HADH: variants seen among roughly 807,000 people sequenced by gnomAD.
HADH encodes the protein hydroxyacyl-CoA dehydrogenase, also known as hydroxyacyl-coenzyme A dehydrogenase, mitochondrial.
HADH carries 24 observed loss-of-function variants against 32.2 expected under a neutral mutation model. That is an observed-to-expected ratio of 0.75 (90% CI 0.54 to 1.05). The LOEUF is 1.05. HADH is among the 50% of genes least tolerant of loss of function. The probability of loss-of-function intolerance (pLI) is 0.00; values close to 1 mark genes in which losing one functional copy is unlikely to be tolerated. For missense variants in HADH, 350 were observed against 397.1 expected, an observed-to-expected ratio of 0.88 and a Z score of 1.01; for synonymous variants, 139 against 152.5, an observed-to-expected ratio of 0.91 and a Z score of 0.65.
At chr4:108,027,505 T>G in intron 5 of HADH, 183 bp from the exon 6 acceptor site, 1 of 665,402 alleles carries the variant, frequency 1.5e-6, no homozygotes, top group African/African-American at 1.8e-5. Flanking sequence ...TTAAGTACTA[T>G]GATTGTTGGA....
chr4:107,991,876 A>G (rs1302466565), intron 1 of HADH, among the ~76,000 whole-genome samples: 1 of 152,200 alleles, frequency 6.6e-6, no homozygotes, highest in Non-Finnish European at 1.5e-5. Flanking sequence ...ATTATGGGAA[A>G]TGGATCCAGA....
intron 6 of HADH, chr4:108,032,436 A>G (rs1176925799): frequency 1.3e-5 from 12 of 946,756 alleles, no homozygotes; most frequent in Non-Finnish European, 1.9e-5. Context: ...CCTTACTTGT[A>G]AAACCCAAAA....
At chr4:108,017,764 G>A (rs1381205669) in intron 3 of HADH, among the ~76,000 whole-genome samples, 3 of 152,048 alleles carry the variant, frequency 2.0e-5, no homozygotes, top group African/African-American at 4.8e-5. Context: ...GGCCAGGCTC[G>A]TCTCGAACTC....
In HADH at chr4:107,989,895, TG is replaced by T; in HGVS notation, c.-37del. 1 of 1,605,586 alleles carries T rather than the reference TG, an allele frequency of 6.2e-7. No homozygotes were observed. Among genetic ancestry groups the T allele is most frequent in the Non-Finnish European group, 8.5e-7 (1 of 1,177,326 alleles). On this transcript the variant is annotated 5_prime_UTR_variant, in exon 1 of 8. Transcript: ENST00000309522. ...GGCTGCCCGCCTCGCGCGTCTTCCC[TG>T]CCCGGGTCTCCTCGCTGTCGCCGCC...
At chr4:108,018,734 G>C (rs1735778716) in intron 3 of HADH, among the ~76,000 whole-genome samples, 1 of 152,138 alleles carries the variant, frequency 6.6e-6, no homozygotes, top group South Asian at 2.1e-4. Flanking sequence ...ATCTTGGTTG[G>C]AATCAGCACC....
intron 6 of HADH, chr4:108,029,954 G>A (rs1736203772): frequency 1.3e-5 from 2 of 152,330 alleles, no homozygotes; most frequent in Non-Finnish European, 2.9e-5. Flanking sequence ...GTCTGACAGT[G>A]GACTGCTGCC....
chr4:107,992,701 T>C lies in HADH; in HGVS notation c.132+2637T>C, dbSNP rs775289422. ...TAGTACTGGCCTCGTAGGGAGAGAA[T>C]TGAATAAATTCAATGAATTCATGCA... On this transcript the variant is annotated intron_variant, in intron 1 of 7. Coordinates refer to ENST00000309522, the MANE Select transcript of HADH (RefSeq NM_005327.7). 3.3e-5 allele frequency among the ~76,000 whole-genome samples: 5 copies of C among 152,200 alleles called. No homozygotes were observed. In the East Asian group the frequency reaches 7.7e-4, roughly 23 times the overall value.
chr4:108,006,088 A>G (rs1281853631), intron 1 of HADH, among the ~76,000 whole-genome samples: 1 of 152,232 alleles, frequency 6.6e-6, no homozygotes, highest in Non-Finnish European at 1.5e-5. Flanking sequence ...CAAGAAAGGA[A>G]TTAAGCAAGC....
At chr4:107,995,393 G>C (rs1218900934) in intron 1 of HADH, among the ~76,000 whole-genome samples, 1 of 152,168 alleles carries the variant, frequency 6.6e-6, no homozygotes. Context: ...GATAGTAACT[G>C]TCTGATAAAT....
chr4:108,026,106 A>G (rs974578691), intron 5 of HADH: 3 of 152,016 alleles, frequency 2.0e-5, no homozygotes, highest in Non-Finnish European at 4.4e-5. Context: ...CAGTGGCGCA[A>G]TCTCAGCTCA....
At chr4:107,996,130 G>T (rs1220369499) in intron 1 of HADH, among the ~76,000 whole-genome samples, 1 of 152,192 alleles carries the variant, frequency 6.6e-6, no homozygotes, top group Non-Finnish European at 1.5e-5. Flanking sequence ...TCATGGGAGA[G>T]CTCTTTCCTC....
intron 7 of HADH, among the ~76,000 whole-genome samples, chr4:108,033,495 GA>G (rs964036787): frequency 2.1e-4 from 31 of 151,046 alleles, no homozygotes; most frequent in Admixed American, 1.5e-3. Context: ...TGACCTTGAA[GA>G]AAAAAAAACC....
rs145355874 is a variant in HADH at position 108,020,229 on chromosome 4, G to A, written c.546+563G>A. ...TCATGCCTGTAATCCTAGAACTTTT[G>A]GAGGTGGAAGTTAGTGGATTGCTTG... On this transcript the variant is annotated intron_variant, in intron 4 of 7. Coordinates refer to ENST00000309522, the MANE Select transcript of HADH (RefSeq NM_005327.7). Among the ~76,000 whole-genome samples the A allele has an allele frequency of 7.9e-3, 1,202 of 152,300 alleles. 6 individuals carry two copies. Among genetic ancestry groups the A allele is most frequent in the South Asian group, 0.018 (85 of 4,828 alleles).
chr4:107,994,685 G>T (rs962414549), intron 1 of HADH, among the ~76,000 whole-genome samples: 2 of 152,154 alleles, frequency 1.3e-5, no homozygotes, highest in Non-Finnish European at 2.9e-5. Context: ...ACTCCCAGTT[G>T]TTACCTTCCT....
At chr4:107,993,312 G>A (rs1051449036) in intron 1 of HADH, among the ~76,000 whole-genome samples, 4 of 152,056 alleles carry the variant, frequency 2.6e-5, no homozygotes, top group Admixed American at 6.5e-5. Context: ...ATGCTGCAGC[G>A]GGTATGTTTT....
At chr4:107,998,401 T>G (rs1021940008) in intron 1 of HADH, among the ~76,000 whole-genome samples, 72 of 152,184 alleles carry the variant, frequency 4.7e-4, no homozygotes, top group African/African-American at 1.7e-3. Context: ...TGCCTCAGCC[T>G]CCTGAGGAGC....
At position 108,014,653 on chromosome 4, in the gene HADH, A is replaced by C. The variant is rs370271466; in HGVS notation, c.419+65A>C. 4.9e-6 allele frequency: 7 copies of C among 1,430,720 alleles called. No individual in the cohort carries two copies. The African/African-American group carries it at 9.3e-5, about 19-fold the overall frequency. 88.6% of individuals were successfully genotyped at this position (1,430,720 alleles called of 1,614,324 possible). A position where few individuals can be genotyped will look rare whatever the true frequency, so the allele number is the denominator to read the frequency against. The stretch of plus-strand genomic sequence containing the variant: ...AACCTTATTTTTGTTTTTCATTTTT[A>C]TTTTTTGTTTTTATAGATTTGTGAG... On this transcript the variant is annotated intron_variant, in intron 3 of 7. Transcript: ENST00000309522.
At chr4:108,033,529 C>A (rs1423088371) in intron 7 of HADH, among the ~76,000 whole-genome samples, 2 of 152,074 alleles carry the variant, frequency 1.3e-5, no homozygotes, top group Non-Finnish European at 2.9e-5. Context: ...CAGGAAGTTA[C>A]AAATATAGCA....
intron 1 of HADH, among the ~76,000 whole-genome samples, chr4:108,005,984 A>C (rs1735280864): frequency 6.6e-6 from 1 of 152,212 alleles, no homozygotes. Context: ...TGGTAGATGC[A>C]AGTGTGGCCA....
Sources: allele counts gnomAD v4.1 joint callset (sites outside exome capture counted in the v4.1 genomes callset), GRCh38; gene constraint gnomAD v4.1.1; transcripts MANE v1.5; gene names NCBI Gene and HGNC (gene_info 2026-07-23, HGNC 2026-07-21).